The following FARP2 variants were observed in gnomAD, a reference collection of about 807,000 sequenced individuals.
FARP2 encodes the protein FERM, ARH/RhoGEF and pleckstrin domain protein 2, also known as FERM, ARHGEF and pleckstrin domain-containing protein 2.
Under a neutral mutation model 130.5 loss-of-function variants are expected in FARP2, and 111 were observed. The observed-to-expected ratio is 0.85, with a 90% CI of 0.73 to 1.00. FARP2 has a LOEUF of 1.00. Among genes scored for constraint, FARP2 ranks in the 50% least tolerant of loss-of-function variants. FARP2 has a pLI of 0.00. For synonymous variants in FARP2, 504 were observed against 516.9 expected (o/e 0.98, Z 0.34); for missense variants, 1,385 against 1,346.3 (o/e 1.03, Z -0.45).
chr2:241,425,195 C>T (rs946887250), intron 8 of FARP2, among the ~76,000 whole-genome samples: 27 of 151,910 alleles, frequency 1.8e-4, no homozygotes, highest in African/African-American at 5.3e-4. Context: ...CGATGAAGTG[C>T]GACCCTGTCT....
chr2:241,487,644 G>GAGGCGGAGGTTGCACTGAGCCGAGA (rs1396808728), intron 21 of FARP2, among the ~76,000 whole-genome samples: 15 of 134,622 alleles, frequency 1.1e-4, no homozygotes, highest in Admixed American at 1.6e-4. Flanking sequence ...TCCAGCCTGG[G>GAGGCGGAGGTTGCACTGAGCCGAGA]TGACAGAACA....
At chr2:241,492,018 G>A (rs541570883) in intron 24 of FARP2, among the ~76,000 whole-genome samples, 7 of 152,194 alleles carry the variant, frequency 4.6e-5, no homozygotes, top group South Asian at 2.1e-4. Context: ...CCTTCACCTC[G>A]GGCTTGGAGC....
intron 21 of FARP2, chr2:241,489,395 G>T (rs1466102345): frequency 6.6e-6 from 1 of 152,346 alleles, no homozygotes; most frequent in East Asian, 1.9e-4. Flanking sequence ...GTAGAGAATG[G>T]ATTTCCCTTT....
At chr2:241,463,493 G>T in intron 16 of FARP2, 25 bp downstream of exon 16, 2 of 1,608,064 alleles carry the variant, frequency 1.2e-6, no homozygotes, top group South Asian at 2.2e-5. Flanking sequence ...GCCCCCACAC[G>T]GGAGACTCCC....
chr2:241,368,288 T>A (rs2061357426), intron 1 of FARP2, among the ~76,000 whole-genome samples: 1 of 151,958 alleles, frequency 6.6e-6, no homozygotes, highest in South Asian at 2.1e-4. Context: ...ATAAGCTGAG[T>A]CCCCCACAGA....
intron 8 of FARP2, among the ~76,000 whole-genome samples, chr2:241,419,548 G>A (rs1049296756): frequency 2.6e-5 from 4 of 152,092 alleles, no homozygotes; most frequent in Non-Finnish European, 5.9e-5. Flanking sequence ...ATTTAAATCC[G>A]TAAGAACAAA....
rs1462507845 is a variant in FARP2, at chr2:241,491,310, G to GGCTACGCC, written c.2623+132_2623+139dup. ...ATCCCCTTCCACAAGGAATGTTCCA[G>GGCTACGCC]GCTACGCCTCATGCCTGGGCGGGAA... On this transcript the variant is annotated intron_variant, in intron 23 of 26. Transcript: ENST00000264042. The GGCTACGCC allele has an allele frequency of 1.2e-5, 10 of 866,982 alleles. No individual in the cohort carries two copies. In the African/African-American group the frequency reaches 1.3e-4, roughly 12 times the overall value. The allele number at this position is 866,982 out of a possible 1,614,324, so 53.7% of individuals were successfully genotyped here. A position where few individuals can be genotyped will look rare whatever the true frequency, so the allele number is the denominator to read the frequency against.
intron 17 of FARP2, chr2:241,465,519 A>C (rs1214948193): frequency 5.2e-6 from 8 of 1,550,412 alleles, no homozygotes; most frequent in Middle Eastern, 1.7e-4. Flanking sequence ...AGACTTTTGG[A>C]TAGGCAGGGG....
In FARP2 at chr2:241,435,011, A is replaced by G. The variant is rs757270076; in HGVS notation, c.1081A>G (p.Lys361Glu). The change falls in exon 11 of 27, where the codon AAG becomes GAG. Residue 361 changes from lysine (K) to glutamate (E), a missense_variant. Physicochemically the swap from Lys to Glu is moderately conservative, Grantham distance 56. Transcript: ENST00000264042. ...AGATTATTTCAAAGACAGTGGAATG[A>G]AGAGAATTCCATATGAAAGGTAAGC... Reference protein sequence around the residue: ...LVDYFKDSGMKRIPYERRHSK... With the variant: ...LVDYFKDSGMERIPYERRHSK... 1 of 1,593,084 alleles carries G rather than the reference A, an allele frequency of 6.3e-7. No individual in the cohort carries two copies. Among genetic ancestry groups the G allele is most frequent in the African/African-American group, 1.3e-5 (1 of 74,338 alleles).
At chr2:241,409,181 C>G (rs763855838) in intron 5 of FARP2, among the ~76,000 whole-genome samples, 25 of 151,124 alleles carry the variant, frequency 1.7e-4, no homozygotes, top group Non-Finnish European at 3.3e-4. Context: ...TCCCTTCTCC[C>G]CCATATTTAT....
Position 241,475,913 on chromosome 2 carries a change from C to T in FARP2, c.2188C>T (p.Leu730=). The T allele has an allele frequency of 6.2e-7, 1 of 1,614,002 alleles. No individual in the cohort carries two copies. ...CACACTACAGCACATTCTCATCCGG[C>T]TGGAGAACCTGCAGAAGCTAACGGA... ...TTTLQHILIR[L]ENLQKLTELQ... is the part of the protein sequence containing the mutation. The change falls in exon 19 of 27, where the codon CTG becomes TTG. Residue 730 remains leucine, a synonymous_variant. Coordinates refer to ENST00000264042, the MANE Select transcript of FARP2 (RefSeq NM_014808.4). This position sits in a 1 kb window ranked among gnomAD's most constrained non-coding sequence, Gnocchi z 4.4.
At chr2:241,363,725 C>G (rs1280803899) in intron 1 of FARP2, among the ~76,000 whole-genome samples, 1 of 152,224 alleles carries the variant, frequency 6.6e-6, no homozygotes, top group Non-Finnish European at 1.5e-5. Flanking sequence ...ACACTGATAC[C>G]ATGTTCTACA....
chr2:241,401,790 C>CT (rs565397468), intron 2 of FARP2, among the ~76,000 whole-genome samples: 321 of 137,602 alleles, frequency 2.3e-3, no homozygotes, highest in African/African-American at 6.2e-3. Flanking sequence ...TTTACCAATT[C>CT]TTTTTTTTTT....
intron 18 of FARP2, among the ~76,000 whole-genome samples, chr2:241,468,789 C>T (rs1332693163): frequency 1.3e-5 from 2 of 152,232 alleles, no homozygotes; most frequent in African/African-American, 4.8e-5. Context: ...GTCCTGGAGG[C>T]CTTGGCTCTA....
chr2:241,422,312 A>G lies in FARP2; in HGVS notation c.771+4203A>G, dbSNP rs117845438. ...ACGCACAGCGGTAGGCTGAGGAGGG[A>G]GAACTGCTTGAATCTGTGAGGCAGA... is the stretch of plus-strand genomic sequence containing the variant. On this transcript the variant is annotated intron_variant, in intron 8 of 26. Coordinates refer to ENST00000264042, the MANE Select transcript of FARP2 (RefSeq NM_014808.4). Among the ~76,000 whole-genome samples the G allele has an allele frequency of 0.011, 1,663 of 150,318 alleles. 124 individuals carry two copies. In the East Asian group the frequency reaches 0.17, roughly 15 times the overall value.
intron 2 of FARP2, among the ~76,000 whole-genome samples, chr2:241,402,861 T>TAC (rs2062216944): frequency 6.4e-5 from 1 of 15,518 alleles, no homozygotes; most frequent in East Asian, 1.4e-3. Context: ...TATATATATA[T>TAC]ATATATATAT....
rs539118200 is a variant in FARP2, at chr2:241,452,920, G to A, written c.1412-3827G>A. ...CATGCCATTGCACTCCAGCCTGGGC[G>A]ACAGAGTGAGAGACTCGGTCTCAAA... On this transcript the variant is annotated intron_variant, in intron 13 of 26. Coordinates refer to ENST00000264042, the MANE Select transcript of FARP2 (RefSeq NM_014808.4). Among the ~76,000 whole-genome samples the A allele has an allele frequency of 3.3e-5, 5 of 151,506 alleles. No homozygotes were observed. The South Asian group carries it at 6.3e-4, about 19-fold the overall frequency.
intron 1 of FARP2, among the ~76,000 whole-genome samples, chr2:241,363,867 C>T (rs1002526568): frequency 2.0e-5 from 3 of 152,136 alleles, no homozygotes; most frequent in African/African-American, 7.2e-5. Context: ...GTCCAGGATA[C>T]AATGCAAAAT....
chr2:241,415,808 A>G (rs2062648528), intron 7 of FARP2, among the ~76,000 whole-genome samples: 1 of 152,218 alleles, frequency 6.6e-6, no homozygotes, highest in Non-Finnish European at 1.5e-5. Flanking sequence ...GCACAGGAGC[A>G]GGTTTCTGAG....
Sources: gnomAD v4.1 joint callset for allele counts (sites outside exome capture counted in the v4.1 genomes callset) on GRCh38, gnomAD v4.1.1 for gene constraint, Gnocchi (gnomAD v3.1) non-coding constraint, MANE v1.5 for transcripts, NCBI Gene and HGNC (gene_info 2026-07-23, HGNC 2026-07-21) for gene names.